FSTL5: variants seen among roughly 807,000 people sequenced by gnomAD.
The protein encoded by FSTL5 is follistatin-related protein 5.
Under a neutral mutation model 89.1 loss-of-function variants are expected in FSTL5, and 62 were observed. The ratio of observed to expected loss-of-function variants is 0.70; its 90% confidence interval spans 0.57 to 0.86. The LOEUF (loss-of-function observed/expected upper bound fraction) is 0.86. Ranked by LOEUF, FSTL5 falls within the 40% of genes least tolerant of loss-of-function variation. The pLI is 0.00. For missense variants in FSTL5, 1,057 were observed against 1,001.6 expected (o/e 1.06, Z -0.75); for synonymous variants, 383 against 346.2 (o/e 1.11, Z -1.18).
chr4:161,837,305 T>C (rs1024511099), intron 4 of FSTL5, among the ~76,000 whole-genome samples: 2 of 152,056 alleles, frequency 1.3e-5, no homozygotes, highest in African/African-American at 2.4e-5. Flanking sequence ...TAGGAGTCCA[T>C]GAAATTGACT....
chr4:161,472,783 G>A (rs998055586), intron 13 of FSTL5, among the ~76,000 whole-genome samples: 24 of 151,484 alleles, frequency 1.6e-4, no homozygotes, highest in African/African-American at 5.6e-4. Flanking sequence ...GGAGTGCAGC[G>A]GCATGATCTC....
In FSTL5 at chr4:161,487,705, CTTTT is replaced by C. The variant is rs1034637192; in HGVS notation, c.1459-6540_1459-6537del. 3.2e-4 allele frequency among the ~76,000 whole-genome samples: 49 copies of C among 151,760 alleles called. 1 individual carries two copies. The highest frequency in any genetic ancestry group is 1.1e-3 in the African/African-American group (45 of 41,338). On this transcript the variant is annotated intron_variant, in intron 12 of 15. Coordinates refer to ENST00000306100, the MANE Select transcript of FSTL5 (RefSeq NM_020116.5). ...TCTCTCTCTCTTTCAGTATTTCTTTCTTTTAAGTATGTATTTTTAACCGAACCTG... is the reference window on the plus strand; with the variant it reads ...TCTCTCTCTCTTTCAGTATTTCTTTCAAGTATGTATTTTTAACCGAACCTG...
intron 4 of FSTL5, among the ~76,000 whole-genome samples, chr4:161,882,745 C>T (rs1732672792): frequency 6.6e-6 from 1 of 152,020 alleles, no homozygotes; most frequent in Non-Finnish European, 1.5e-5. Flanking sequence ...TTTTACACCA[C>T]ATTTTCATTT....
At chr4:161,564,429 A>G (rs1246390868) in intron 8 of FSTL5, among the ~76,000 whole-genome samples, 1 of 151,010 alleles carries the variant, frequency 6.6e-6, no homozygotes, top group Non-Finnish European at 1.5e-5. Context: ...AGATGGCACT[A>G]CTATTTACCA....
intron 3 of FSTL5, among the ~76,000 whole-genome samples, chr4:162,015,083 T>C (rs542891038): frequency 7.8e-4 from 118 of 152,140 alleles, no homozygotes; most frequent in Admixed American, 2.8e-3. Context: ...CTTAGAGTGA[T>C]TTTACAATCA....
intron 8 of FSTL5, among the ~76,000 whole-genome samples, chr4:161,574,054 C>A (rs1193514050): frequency 6.6e-6 from 1 of 152,100 alleles, no homozygotes; most frequent in Non-Finnish European, 1.5e-5. Context: ...GTCACTACAA[C>A]CTTTTGCTCT....
At chr4:161,827,810 C>T (rs756360595) in intron 4 of FSTL5, among the ~76,000 whole-genome samples, 8 of 152,170 alleles carry the variant, frequency 5.3e-5, no homozygotes, top group Non-Finnish European at 2.9e-5. Context: ...ATTCTCCCAA[C>T]AGCACAGAGT....
intron 8 of FSTL5, among the ~76,000 whole-genome samples, chr4:161,553,361 C>T (rs1732278455): frequency 6.6e-6 from 1 of 150,772 alleles, no homozygotes; most frequent in Admixed American, 6.6e-5. Context: ...CTTCTATTAC[C>T]TAAAATGGAA....
chr4:161,868,988 G>A (rs765539075), intron 4 of FSTL5, among the ~76,000 whole-genome samples: 7 of 152,094 alleles, frequency 4.6e-5, no homozygotes, highest in East Asian at 1.9e-4. Context: ...TTGGGAGAAC[G>A]AGAGAGGCGG....
intron 1 of FSTL5, among the ~76,000 whole-genome samples, chr4:162,153,524 A>G (rs1733309715): frequency 6.7e-6 from 1 of 150,142 alleles, no homozygotes; most frequent in Non-Finnish European, 1.5e-5. Flanking sequence ...AGCACCTGAA[A>G]GGGTACCTGA....
In FSTL5 at chr4:161,570,494, C is replaced by T. The variant is rs142071368; in HGVS notation, c.1015+16961G>A. On this transcript the variant is annotated intron_variant, in intron 8 of 15. Transcript: ENST00000306100. ...AAAAACTGAGAAATCAGAACATTTA[C>T]GGTTATTTAGGGGATTCAAAGTCTG... is the stretch of plus-strand genomic sequence containing the variant. Among the ~76,000 whole-genome samples the T allele has an allele frequency of 9.2e-4, 140 of 152,098 alleles. 4 individuals are homozygous for T. The East Asian group carries it at 0.023, about 25-fold the overall frequency.
At chr4:161,829,793 C>A (rs1730786695) in intron 4 of FSTL5, among the ~76,000 whole-genome samples, 2 of 152,072 alleles carry the variant, frequency 1.3e-5, no homozygotes, top group Admixed American at 6.6e-5. Flanking sequence ...TGCCTTTACA[C>A]AAGCATACAC....
chr4:161,459,207 C>T lies in FSTL5; in HGVS notation c.1716+5G>A, dbSNP rs922123073. ...ATTTTCTCTAATATACTGAAATGTACTTACCTGTAGTGTTGGTGATGTCTT... is the reference window on the plus strand; with the variant it reads ...ATTTTCTCTAATATACTGAAATGTATTTACCTGTAGTGTTGGTGATGTCTT... On this transcript the variant is annotated splice_donor_5th_base_variant and intron_variant, in intron 14 of 15. Coordinates refer to ENST00000306100, the MANE Select transcript of FSTL5 (RefSeq NM_020116.5). 3 of 1,480,738 alleles carry T rather than the reference C, an allele frequency of 2.0e-6. No homozygotes were observed. The highest frequency in any genetic ancestry group is 1.1e-5 in the South Asian group (1 of 88,238). 91.7% of individuals were successfully genotyped at this position (1,480,738 alleles called of 1,614,324 possible).
At chr4:162,148,815 A>G (rs1733111915) in intron 1 of FSTL5, among the ~76,000 whole-genome samples, 1 of 152,146 alleles carries the variant, frequency 6.6e-6, no homozygotes, top group Admixed American at 6.5e-5. Flanking sequence ...GTGATCAACC[A>G]TTTTTCAATG....
intron 7 of FSTL5, among the ~76,000 whole-genome samples, chr4:161,634,047 T>C (rs1578982869): frequency 6.6e-6 from 1 of 152,358 alleles, no homozygotes; most frequent in East Asian, 1.9e-4. Flanking sequence ...AACATTCTTA[T>C]TCACAGAATC....
intron 4 of FSTL5, among the ~76,000 whole-genome samples, chr4:161,865,549 G>A (rs928035355): frequency 3.3e-5 from 5 of 151,924 alleles, no homozygotes; most frequent in South Asian, 2.1e-4. Context: ...ATAATACACC[G>A]GGATGTCAGA....
In FSTL5 at chr4:161,612,659, TAC is replaced by T. The variant is rs1301255647; in HGVS notation, c.895-25086_895-25085del. ...GGACCAAGTTCCTTCATTAGCGTATTACTTCAGTGAGGCCATGTTGACGCTAT... is the reference window on the plus strand; with the variant it reads ...GGACCAAGTTCCTTCATTAGCGTATTTTCAGTGAGGCCATGTTGACGCTAT... On this transcript the variant is annotated intron_variant, in intron 7 of 15. Transcript: ENST00000306100. Among the ~76,000 whole-genome samples the T allele has an allele frequency of 2.0e-5, 3 of 152,344 alleles. No homozygotes were observed. The East Asian group carries it at 5.8e-4, about 29-fold the overall frequency.
At chr4:162,069,284 T>C (rs1448625514) in intron 2 of FSTL5, among the ~76,000 whole-genome samples, 1 of 152,024 alleles carries the variant, frequency 6.6e-6, no homozygotes, top group Non-Finnish European at 1.5e-5. Context: ...TTGTACATAT[T>C]TATTGGGTAT....
At chr4:161,564,902 TTATC>T in intron 8 of FSTL5, among the ~76,000 whole-genome samples, 1 of 151,972 alleles carries the variant, frequency 6.6e-6, no homozygotes, top group Admixed American at 6.6e-5. Context: ...ATAGCATAAA[TTATC>T]TATAATAGTG....
Sources: gnomAD v4.1 joint callset for allele counts (sites outside exome capture counted in the v4.1 genomes callset) on GRCh38, gnomAD v4.1.1 for gene constraint, MANE v1.5 for transcripts, NCBI Gene and HGNC (gene_info 2026-07-23, HGNC 2026-07-21) for gene names.